The following ENKUR variants were observed in gnomAD, a reference collection of about 807,000 sequenced individuals.
ENKUR encodes the protein enkurin.
ENKUR carries 19 observed loss-of-function variants against 27.6 expected under a neutral mutation model. That is an observed-to-expected ratio of 0.69 (90% CI 0.48 to 1.01). The LOEUF is 1.01. ENKUR is among the 50% of genes least tolerant of loss of function. The pLI is 0.00. For missense variants in ENKUR, 312 were observed against 310.5 expected, an observed-to-expected ratio of 1.00 and a Z score of -0.04; for synonymous variants, 117 against 96.9, an observed-to-expected ratio of 1.21 and a Z score of -1.22.
intron 2 of ENKUR, among the ~76,000 whole-genome samples, chr10:25,036,486 GT>G (rs991018542): frequency 6.6e-6 from 1 of 152,136 alleles, no homozygotes; most frequent in African/African-American, 2.4e-5. Context: ...TCAAACAGAT[GT>G]TTTTAAAGTA....
At chr10:25,000,478 T>G (rs980830799) in intron 1 of ENKUR, among the ~76,000 whole-genome samples, 2 of 152,160 alleles carry the variant, frequency 1.3e-5, no homozygotes, top group African/African-American at 2.4e-5. Context: ...TTTTGCTTTA[T>G]GTATTTTGAA....
Position 24,983,450 on chromosome 10 carries a change from T to C in ENKUR, c.*920A>G, listed in dbSNP as rs966279122. Reference sequence around the variant, plus strand: ...AATTGAATATGTGTTTACGTAATTATACATTTTGGAGTGTACTGTCACAGC... The same window carrying C: ...AATTGAATATGTGTTTACGTAATTACACATTTTGGAGTGTACTGTCACAGC... On this transcript the variant is annotated 3_prime_UTR_variant, in exon 6 of 6. Coordinates refer to ENST00000331161, the MANE Select transcript of ENKUR (RefSeq NM_145010.4). 1 of 152,218 alleles carries C rather than the reference T, an allele frequency of 6.6e-6. No homozygotes were observed. Among genetic ancestry groups the C allele is most frequent in the African/African-American group, 2.4e-5 (1 of 41,462 alleles). 9.4% of individuals were successfully genotyped at this position (152,218 alleles called of 1,614,324 possible). A position where few individuals can be genotyped will look rare whatever the true frequency, so the allele number is the denominator to read the frequency against.
chr10:25,016,937 C>T (rs1353674807), upstream of ENKUR: 1 of 152,478 alleles, frequency 6.6e-6, no homozygotes, highest in African/African-American at 2.4e-5. Flanking sequence ...GGTCGAGGCT[C>T]CTCGGAACGC....
intron 2 of ENKUR, among the ~76,000 whole-genome samples, chr10:25,033,690 A>G (rs1850961851): frequency 6.6e-6 from 1 of 152,040 alleles, no homozygotes; most frequent in African/African-American, 2.4e-5. Context: ...TAAACCATGT[A>G]TGTTTGGTTT....
intron 2 of ENKUR, among the ~76,000 whole-genome samples, chr10:25,030,422 T>C (rs1160010507): frequency 6.6e-6 from 1 of 152,216 alleles, no homozygotes; most frequent in Non-Finnish European, 1.5e-5. Flanking sequence ...GTAATTTTTT[T>C]CCTCAGAAAT....
upstream of ENKUR, among the ~76,000 whole-genome samples, chr10:25,020,574 C>T (rs929861122): frequency 3.3e-5 from 5 of 152,008 alleles, no homozygotes; most frequent in Admixed American, 6.6e-5. Context: ...CGAGATCAGT[C>T]TGGGCAACAT....
intron 1 of ENKUR, among the ~76,000 whole-genome samples, chr10:25,009,062 C>A (rs576926678): frequency 6.6e-6 from 1 of 152,108 alleles, no homozygotes; most frequent in East Asian, 1.9e-4. Context: ...ACAGTGAGAA[C>A]ACATGGACAC....
chr10:25,012,841 T>C (rs1373206279), intron 1 of ENKUR, among the ~76,000 whole-genome samples: 1 of 152,168 alleles, frequency 6.6e-6, no homozygotes, highest in Non-Finnish European at 1.5e-5. Flanking sequence ...TATGATTGGT[T>C]TTGAAATGTG....
chr10:25,004,574 G>C (rs1440002464), intron 1 of ENKUR, among the ~76,000 whole-genome samples: 1 of 152,160 alleles, frequency 6.6e-6, no homozygotes, highest in Non-Finnish European at 1.5e-5. Context: ...TTTGAGAAGT[G>C]TCTGTTCATT....
At chr10:24,984,591 T>G in intron 5 of ENKUR, 145 bp downstream of exon 5, 1 of 1,040,532 alleles carries the variant, frequency 9.6e-7, no homozygotes, top group Non-Finnish European at 1.3e-6. Flanking sequence ...TCAATTATTC[T>G]TTGCATATTG....
At chr10:25,023,580 G>A (rs978965196) in intron 2 of ENKUR, 2 of 1,614,138 alleles carry the variant, frequency 1.2e-6, no homozygotes, top group Non-Finnish European at 1.7e-6. Flanking sequence ...GAAAAGCTGT[G>A]TTAAACTTCT....
Position 24,982,981 on chromosome 10 carries a change from C to T in ENKUR, c.*1389G>A, listed in dbSNP as rs1849702610. 6.6e-6 allele frequency: 1 copy of T among 152,160 alleles called. No individual in the cohort carries two copies. Among genetic ancestry groups the T allele is most frequent in the South Asian group, 2.1e-4 (1 of 4,820 alleles). 9.4% of individuals were successfully genotyped at this position (152,160 alleles called of 1,614,324 possible). On this transcript the variant is annotated 3_prime_UTR_variant, in exon 6 of 6. Transcript: ENST00000331161. Reference sequence around the variant, plus strand: ...TAATCAGAATATTTTTGCATTGCTACTGATTTTGAATTATTTAAAAATGAG... The same window carrying T: ...TAATCAGAATATTTTTGCATTGCTATTGATTTTGAATTATTTAAAAATGAG...
Position 24,990,967 on chromosome 10 carries a change from G to A in ENKUR, c.448-358C>T, listed in dbSNP as rs1038444281. ...ATACAGAAATTAGCCAGGCATCGTG[G>A]CATGTGCCAGTAGTCCCAGCTATTC... On this transcript the variant is annotated intron_variant, in intron 3 of 5. Coordinates refer to ENST00000331161, the MANE Select transcript of ENKUR (RefSeq NM_145010.4). Among the ~76,000 whole-genome samples, 5 of 152,204 alleles carry A rather than the reference G, an allele frequency of 3.3e-5. No homozygotes were observed. The East Asian group carries it at 9.6e-4, about 29-fold the overall frequency.
At chr10:25,049,864 T>C (rs1851165733) in intron 2 of ENKUR, among the ~76,000 whole-genome samples, 1 of 151,674 alleles carries the variant, frequency 6.6e-6, no homozygotes, top group African/African-American at 2.4e-5. Flanking sequence ...CAGTAGTGTA[T>C]TAGACCATTT....
In ENKUR at chr10:25,034,522, G is replaced by A. The variant is rs540183573; in HGVS notation, c.37+26590C>T. Among the ~76,000 whole-genome samples, 422 of 152,284 alleles carry A rather than the reference G, an allele frequency of 2.8e-3. 2 individuals are homozygous for A. The highest frequency in any genetic ancestry group is 1.0e-2 in the African/African-American group (415 of 41,568). On this transcript the variant is annotated intron_variant, in intron 2 of 5. Transcript: ENST00000615958. The stretch of plus-strand genomic sequence containing the variant: ...TTGTTTTAAATGTTATAAAGCTCAA[G>A]TAGCAGAAGTTTTCAGGAAATAATT...
chr10:25,061,772 G>A (rs1798771602), intron 1 of ENKUR, among the ~76,000 whole-genome samples: 1 of 152,096 alleles, frequency 6.6e-6, no homozygotes, highest in South Asian at 2.1e-4. Flanking sequence ...CCAGACCTAG[G>A]CCTGCACATT....
At chr10:25,032,049 T>G (rs1389865279) in intron 2 of ENKUR, among the ~76,000 whole-genome samples, 1 of 152,192 alleles carries the variant, frequency 6.6e-6, no homozygotes, top group Non-Finnish European at 1.5e-5. Flanking sequence ...TTTGTTTGCT[T>G]GTTTTGGTCT....
chr10:25,035,559 G>GAA (rs35514834), intron 2 of ENKUR, among the ~76,000 whole-genome samples: 51 of 138,032 alleles, frequency 3.7e-4, no homozygotes, highest in Admixed American at 1.5e-3. Context: ...CTGTCTCAAG[G>GAA]AAAAAAAAAA....
intron 4 of ENKUR, among the ~76,000 whole-genome samples, chr10:24,985,287 T>C (rs566145063): frequency 1.3e-5 from 2 of 152,230 alleles, no homozygotes; most frequent in South Asian, 4.2e-4. Context: ...GAACAGAAAA[T>C]TGTTTTGTAA....
Sources: allele counts gnomAD v4.1 joint callset (sites outside exome capture counted in the v4.1 genomes callset), GRCh38; gene constraint gnomAD v4.1.1; transcripts MANE v1.5; gene names NCBI Gene and HGNC (gene_info 2026-07-23, HGNC 2026-07-21).